The following GALC variants were observed in gnomAD, a reference collection of about 807,000 sequenced individuals.
GALC encodes galactosylceramidase.
In GALC, 77 loss-of-function variants were observed where a neutral mutation model predicts 91.8. That is an observed-to-expected ratio of 0.84 (90% CI 0.70 to 1.01). GALC has a LOEUF of 1.01. GALC is among the 50% of genes least tolerant of loss of function. The probability of loss-of-function intolerance (pLI) is 0.00; values close to 1 mark genes in which losing one functional copy is unlikely to be tolerated. For missense variants in GALC, 882 were observed against 855.9 expected (o/e 1.03, Z -0.38); for synonymous variants, 357 against 306.7 (o/e 1.16, Z -1.71).
At chr14:87,988,647 A>C in intron 1 of GALC, 124 bp from the exon 2 acceptor site, 1 of 775,182 alleles carries the variant, frequency 1.3e-6, no homozygotes, top group East Asian at 2.5e-5. Flanking sequence ...GGCTGAGGAA[A>C]AGTTCCTCAC....
Position 87,934,127 on chromosome 14 carries a change from G to T in GALC, c.*605C>A. 1 of 1,437,910 alleles carries T rather than the reference G, an allele frequency of 7.0e-7. No homozygotes were observed. 89.1% of individuals were successfully genotyped at this position (1,437,910 alleles called of 1,614,324 possible). A position where few individuals can be genotyped will look rare whatever the true frequency, so the allele number is the denominator to read the frequency against. ...TACTGCAGAAATAGTGTTAGAGGTA[G>T]TTTATTAAAGAGGCATTTTTAAAAT... On this transcript the variant is annotated 3_prime_UTR_variant, in exon 17 of 17. Transcript: ENST00000261304.
At position 87,987,304 on chromosome 14, in the gene GALC, A is replaced by G. The variant is rs190316606; in HGVS notation, c.329-702T>C. ...AAGGTAAACATCAGAATTCACAAGAACTGCCTGTTTATGTACCTCTACCTC... is the reference window on the plus strand; with the variant it reads ...AAGGTAAACATCAGAATTCACAAGAGCTGCCTGTTTATGTACCTCTACCTC... On this transcript the variant is annotated intron_variant, in intron 3 of 16. Transcript: ENST00000261304. Among the ~76,000 whole-genome samples the G allele has an allele frequency of 3.9e-5, 6 of 152,318 alleles. No individual in the cohort carries two copies. The East Asian group carries it at 1.2e-3, about 29-fold the overall frequency.
intron 10 of GALC, among the ~76,000 whole-genome samples, chr14:87,960,415 T>C (rs1000753136): frequency 1.3e-5 from 2 of 152,218 alleles, no homozygotes; most frequent in African/African-American, 4.8e-5. Context: ...GGCTTTTGAA[T>C]GCTTTCATCA....
At chr14:87,980,108 C>T (rs774805722) in intron 6 of GALC, among the ~76,000 whole-genome samples, 2 of 152,132 alleles carry the variant, frequency 1.3e-5, no homozygotes, top group East Asian at 1.9e-4. Flanking sequence ...ATTGGCTGGG[C>T]GCAGTGGCTC....
chr14:87,989,932 T>C (rs1489737902), intron 1 of GALC, among the ~76,000 whole-genome samples: 1 of 152,308 alleles, frequency 6.6e-6, no homozygotes, highest in East Asian at 1.9e-4. Context: ...CTCTCACACC[T>C]TCTACCTAGA....
At chr14:87,975,450 T>C (rs1886454907) in intron 7 of GALC, among the ~76,000 whole-genome samples, 1 of 152,150 alleles carries the variant, frequency 6.6e-6, no homozygotes, top group Non-Finnish European at 1.5e-5. Context: ...GTATTGTTTA[T>C]GGTAAGTAGA....
At chr14:87,947,605 T>C (rs1375418682) in intron 13 of GALC, 123 bp downstream of exon 13, 1 of 898,056 alleles carries the variant, frequency 1.1e-6, no homozygotes, top group Non-Finnish European at 1.9e-6. Flanking sequence ...GCATATGAGA[T>C]GTAGGAGGTA....
chr14:87,936,944 A>G (rs1486904982), intron 16 of GALC, among the ~76,000 whole-genome samples: 1 of 123,052 alleles, frequency 8.1e-6, no homozygotes, highest in Non-Finnish European at 1.8e-5. Flanking sequence ...TCTTCATAAG[A>G]AAAGTGTTCT....
chr14:87,976,443 T>G lies in GALC; in HGVS notation c.667A>C (p.Ile223Leu). 1 of 1,613,630 alleles carries G rather than the reference T, an allele frequency of 6.2e-7. No individual in the cohort carries two copies. Among genetic ancestry groups the G allele is most frequent in the East Asian group, 2.2e-5 (1 of 44,870 alleles). The change falls in exon 7 of 17, where the codon ATC becomes CTC. Residue 223 changes from isoleucine to leucine, a missense_variant. Physicochemically the swap from Ile to Leu is conservative, Grantham distance 5. Coordinates refer to ENST00000261304, the MANE Select transcript of GALC (RefSeq NM_000153.4). ...LNYQGLQRVK[I>L]IASDNLWESI... ...TCCCAGAGATTATCACTTGCTATGA[T>G]TTTCACTCGCTGGAGACCTTGATAA...
chr14:87,971,948 A>C (rs1035912769), intron 7 of GALC, among the ~76,000 whole-genome samples: 2 of 152,162 alleles, frequency 1.3e-5, no homozygotes, highest in Admixed American at 6.5e-5. Flanking sequence ...AGTCACTAAG[A>C]AGAATGGGGC....
chr14:87,968,290 TA>T, intron 8 of GALC, 44 bp downstream of exon 8: 3 of 1,512,680 alleles, frequency 2.0e-6, no homozygotes, highest in Non-Finnish European at 2.7e-6. Flanking sequence ...CTTATGTTTT[TA>T]AATTTTTTTT....
chr14:87,958,614 A>G (rs1231886098), intron 10 of GALC, among the ~76,000 whole-genome samples: 1 of 152,214 alleles, frequency 6.6e-6, no homozygotes, highest in Non-Finnish European at 1.5e-5. Flanking sequence ...TATAGTAACG[A>G]TTAATAAAAC....
intron 14 of GALC, among the ~76,000 whole-genome samples, chr14:87,944,628 T>TA (rs1884991635): frequency 6.6e-6 from 1 of 152,026 alleles, no homozygotes; most frequent in Non-Finnish European, 1.5e-5. Flanking sequence ...CATAGTGTTA[T>TA]AAGGGTTCCA....
chr14:87,971,970 A>G (rs1242645325), intron 7 of GALC, among the ~76,000 whole-genome samples: 2 of 152,196 alleles, frequency 1.3e-5, no homozygotes, highest in Non-Finnish European at 2.9e-5. Flanking sequence ...CAGCAGAAAC[A>G]GACCCTAGAA....
Position 87,948,961 on chromosome 14 carries a change from AC to A in GALC, c.1338+883del, listed in dbSNP as rs1885193213. ...TCTTTGAAACCTTTCCCCAGAAAGCACCATGGATGAGGCACTGTGGGAAGCA... is the reference window on the plus strand; with the variant it reads ...TCTTTGAAACCTTTCCCCAGAAAGCACATGGATGAGGCACTGTGGGAAGCA... On this transcript the variant is annotated intron_variant, in intron 12 of 16. Coordinates refer to ENST00000261304, the MANE Select transcript of GALC (RefSeq NM_000153.4). 2.0e-5 allele frequency among the ~76,000 whole-genome samples: 3 copies of A among 152,114 alleles called. No homozygotes were observed. The South Asian group carries it at 6.2e-4, about 31-fold the overall frequency.
intron 15 of GALC, 83 bp from the exon 16 acceptor site, chr14:87,940,064 T>C: frequency 3.8e-6 from 4 of 1,043,914 alleles, no homozygotes; most frequent in South Asian, 2.5e-5. Context: ...GGTTCTTGAG[T>C]GGCATCTGTA....
At chr14:87,985,429 C>G (rs1355332808) in intron 4 of GALC, among the ~76,000 whole-genome samples, 1 of 152,104 alleles carries the variant, frequency 6.6e-6, no homozygotes, top group Non-Finnish European at 1.5e-5. Flanking sequence ...GAAGGCCTAC[C>G]AAGTCTTTGT....
chr14:87,979,676 GACC>G (rs1392696705), intron 6 of GALC, among the ~76,000 whole-genome samples: 2 of 152,124 alleles, frequency 1.3e-5, no homozygotes, highest in African/African-American at 4.8e-5. Flanking sequence ...CAAATGAAAT[GACC>G]ACAAGAGAGA....
chr14:87,953,922 G>A, intron 10 of GALC: 1 of 1,610,110 alleles, frequency 6.2e-7, no homozygotes, highest in Admixed American at 1.7e-5. Context: ...TACAGTAATT[G>A]ATCAATCAGA....
Sources: gnomAD v4.1 joint callset for allele counts (sites outside exome capture counted in the v4.1 genomes callset) on GRCh38, gnomAD v4.1.1 for gene constraint, MANE v1.5 for transcripts, NCBI Gene and HGNC (gene_info 2026-07-23, HGNC 2026-07-21) for gene names.